OSBPL10: variants seen among roughly 807,000 people sequenced by gnomAD.
OSBPL10 encodes the protein oxysterol binding protein like 10.
Under a neutral mutation model 81.7 loss-of-function variants are expected in OSBPL10, and 49 were observed. The ratio of observed to expected loss-of-function variants is 0.60; its 90% CI spans 0.48 to 0.76. The LOEUF (loss-of-function observed/expected upper bound fraction) is 0.76. OSBPL10 is among the 30% of genes least tolerant of loss of function. OSBPL10 has a pLI of 0.00. For synonymous variants in OSBPL10, 419 were observed against 383.6 expected (o/e 1.09, Z -1.08); for missense variants, 923 against 987.8 (o/e 0.93, Z 0.88).
chr3:31,952,827 A>G (rs1697905889), intron 1 of OSBPL10, among the ~76,000 whole-genome samples: 1 of 152,258 alleles, frequency 6.6e-6, no homozygotes, highest in Admixed American at 6.5e-5. Context: ...CTCAGGTACT[A>G]ATCAGTGACT....
chr3:32,003,724 G>A (rs1337567068), intron 2 of OSBPL10, among the ~76,000 whole-genome samples: 12 of 152,072 alleles, frequency 7.9e-5, no homozygotes, highest in Admixed American at 6.6e-4. Context: ...CCTGGGCATC[G>A]GAGGTCATGT....
intron 4 of OSBPL10, among the ~76,000 whole-genome samples, chr3:31,763,760 C>T (rs1698127620): frequency 6.6e-6 from 1 of 152,108 alleles, no homozygotes; most frequent in South Asian, 2.1e-4. Context: ...AGAAATGCAT[C>T]TCCAAATGGC....
At chr3:31,931,014 C>CAAAAAAAAA (rs60251266) in intron 1 of OSBPL10, among the ~76,000 whole-genome samples, 1 of 62,064 alleles carries the variant, frequency 1.6e-5, no homozygotes, top group Non-Finnish European at 2.8e-5. Context: ...GACTCGGTCT[C>CAAAAAAAAA]AAAAAAAAAA....
chr3:31,781,458 G>A (rs1698693483), intron 4 of OSBPL10, among the ~76,000 whole-genome samples: 1 of 152,116 alleles, frequency 6.6e-6, no homozygotes, highest in African/African-American at 2.4e-5. Flanking sequence ...GGAAGTCCTA[G>A]CCAGAGCAAT....
chr3:31,902,967 G>C (rs1485243670), intron 1 of OSBPL10, among the ~76,000 whole-genome samples: 1 of 152,210 alleles, frequency 6.6e-6, no homozygotes, highest in East Asian at 1.9e-4. Flanking sequence ...TGAAAGCATG[G>C]AGAAAGACAG....
chr3:31,932,066 T>C (rs1026000757), intron 1 of OSBPL10, among the ~76,000 whole-genome samples: 1 of 152,034 alleles, frequency 6.6e-6, no homozygotes, highest in Non-Finnish European at 1.5e-5. Flanking sequence ...AAATAATCTT[T>C]TTAAATGAAG....
chr3:31,753,120 G>A lies in OSBPL10; in HGVS notation c.730-5000C>T, dbSNP rs534762141. Among the ~76,000 whole-genome samples, 21 of 151,790 alleles carry A rather than the reference G, an allele frequency of 1.4e-4. 1 individual carries two copies. In the East Asian group the frequency reaches 3.5e-3, roughly 25 times the overall value. ...CTCTGAGTCAGGGGATCAGTCCTTG[G>A]TTAACGTAGGCACTTTTTCACTTGG... On this transcript the variant is annotated intron_variant, in intron 4 of 11. Coordinates refer to ENST00000396556, the MANE Select transcript of OSBPL10 (RefSeq NM_017784.5).
At chr3:31,791,270 G>A (rs185751938) in intron 4 of OSBPL10, among the ~76,000 whole-genome samples, 177 of 152,296 alleles carry the variant, frequency 1.2e-3, no homozygotes, top group African/African-American at 4.2e-3. Context: ...GGGAGTATAT[G>A]CACAGTGGCT....
chr3:31,927,944 T>C (rs988922462), intron 1 of OSBPL10, among the ~76,000 whole-genome samples: 1 of 152,064 alleles, frequency 6.6e-6, no homozygotes, highest in Non-Finnish European at 1.5e-5. Context: ...ACAGGGAGGC[T>C]GCCATACAGG....
At chr3:31,719,821 G>A (rs190645190) in intron 6 of OSBPL10, among the ~76,000 whole-genome samples, 8 of 151,814 alleles carry the variant, frequency 5.3e-5, no homozygotes, top group Non-Finnish European at 1.2e-4. Context: ...CCACTCCTAG[G>A]GTCCAGTTAA....
intron 1 of OSBPL10, among the ~76,000 whole-genome samples, chr3:31,881,723 CA>C (rs1695585297): frequency 6.6e-6 from 1 of 152,158 alleles, no homozygotes; most frequent in South Asian, 2.1e-4. Flanking sequence ...GTTGTTTAGA[CA>C]TAAATATGTA....
At chr3:31,994,237 G>T (rs2125525429) in intron 2 of OSBPL10, among the ~76,000 whole-genome samples, 1 of 152,310 alleles carries the variant, frequency 6.6e-6, no homozygotes, top group South Asian at 2.1e-4. Context: ...GCAAGTGTTT[G>T]ACTAGAAAGA....
At chr3:32,069,662 C>G (rs1372340017) in intron 1 of OSBPL10, among the ~76,000 whole-genome samples, 5 of 152,174 alleles carry the variant, frequency 3.3e-5, no homozygotes, top group African/African-American at 4.8e-5. Flanking sequence ...GAATCCGGCC[C>G]TCAAACCCCA....
At chr3:31,993,301 C>T (rs944984552) in intron 2 of OSBPL10, among the ~76,000 whole-genome samples, 1 of 151,812 alleles carries the variant, frequency 6.6e-6, no homozygotes, top group Non-Finnish European at 1.5e-5. Flanking sequence ...CTTCCACCTC[C>T]CAGGTTCAAG....
intron 6 of OSBPL10, among the ~76,000 whole-genome samples, chr3:31,727,873 AC>A (rs1475134114): frequency 1.3e-5 from 2 of 152,340 alleles, no homozygotes; most frequent in Admixed American, 1.3e-4. Flanking sequence ...AGGGGATTGT[AC>A]TGGCCAGGCT....
chr3:31,870,765 C>A (rs1173576044), intron 3 of OSBPL10, among the ~76,000 whole-genome samples: 1 of 152,054 alleles, frequency 6.6e-6, no homozygotes, highest in Non-Finnish European at 1.5e-5. Context: ...CTTGGAGAAC[C>A]TTTATGTCTA....
At chr3:31,834,858 T>C (rs1040497757) in intron 3 of OSBPL10, among the ~76,000 whole-genome samples, 8 of 152,268 alleles carry the variant, frequency 5.3e-5, no homozygotes, top group African/African-American at 1.9e-4. Context: ...ACTGCCTGAG[T>C]TCAAATCTGG....
At chr3:32,046,802 A>T (rs1282040794) in intron 1 of OSBPL10, among the ~76,000 whole-genome samples, 1 of 152,230 alleles carries the variant, frequency 6.6e-6, no homozygotes, top group Non-Finnish European at 1.5e-5. Flanking sequence ...TACTATTATT[A>T]TCCCCATTTT....
intron 3 of OSBPL10, among the ~76,000 whole-genome samples, chr3:31,871,778 G>A (rs991739708): frequency 6.6e-6 from 1 of 152,182 alleles, no homozygotes. Context: ...TGGGAGGATG[G>A]ATTGAGAGCC....
Sources: gnomAD v4.1 joint callset for allele counts (sites outside exome capture counted in the v4.1 genomes callset) on GRCh38, gnomAD v4.1.1 for gene constraint, MANE v1.5 for transcripts, NCBI Gene and HGNC (gene_info 2026-07-23, HGNC 2026-07-21) for gene names.